Variants in CDH13 observed in about 807,000 individuals in gnomAD.
CDH13 encodes the protein cadherin 13.
Under a neutral mutation model 63.8 loss-of-function variants are expected in CDH13, and 24 were observed. The observed-to-expected ratio is 0.38, with a 90% CI of 0.27 to 0.53. The LOEUF (loss-of-function observed/expected upper bound fraction) is 0.53. Among genes scored for constraint, CDH13 ranks in the 20% least tolerant of loss-of-function variants. The pLI, the probability that CDH13 is intolerant of heterozygous loss-of-function variation, is 0.85. For synonymous variants in CDH13, 503 were observed against 355.3 expected (o/e 1.42, Z -4.67); for missense variants, 1,049 against 903.1 (o/e 1.16, Z -2.07).
intron 13 of CDH13, among the ~76,000 whole-genome samples, chr16:83,790,620 G>A (rs910513845): frequency 5.3e-5 from 8 of 151,984 alleles, no homozygotes; most frequent in African/African-American, 1.9e-4. Context: ...AGCCTGGATG[G>A]TCTCGATCTC....
chr16:83,538,568 G>A (rs1042919533), intron 7 of CDH13, among the ~76,000 whole-genome samples: 1 of 152,198 alleles, frequency 6.6e-6, no homozygotes. Flanking sequence ...TAAAATAATA[G>A]GATGTCCTTG....
intron 1 of CDH13, among the ~76,000 whole-genome samples, chr16:82,674,312 G>A (rs538764852): frequency 6.6e-6 from 1 of 152,316 alleles, no homozygotes; most frequent in South Asian, 2.1e-4. Flanking sequence ...CCTTTCTTCA[G>A]GTCAGACTAG....
intron 2 of CDH13, among the ~76,000 whole-genome samples, chr16:82,867,674 G>A (rs927249571): frequency 6.6e-6 from 1 of 152,272 alleles, no homozygotes. Context: ...TATAAATCAA[G>A]CAAGGAACTT....
At chr16:83,498,855 G>A (rs2074207444) in intron 7 of CDH13, among the ~76,000 whole-genome samples, 1 of 152,112 alleles carries the variant, frequency 6.6e-6, no homozygotes, top group Non-Finnish European at 1.5e-5. Flanking sequence ...TTATCATATG[G>A]GCCAGGTGGG....
chr16:83,615,251 G>A (rs1253016066), intron 8 of CDH13, among the ~76,000 whole-genome samples: 1 of 152,082 alleles, frequency 6.6e-6, no homozygotes, highest in African/African-American at 2.4e-5. Context: ...TTTAACATCA[G>A]ATGCACTTGT....
chr16:82,901,034 C>T (rs1382072336), intron 2 of CDH13, among the ~76,000 whole-genome samples: 5 of 151,726 alleles, frequency 3.3e-5, no homozygotes, highest in Non-Finnish European at 7.4e-5. Flanking sequence ...AGTTAATGCC[C>T]CTCATAAGGT....
At chr16:83,783,844 TG>T (rs1437823648) in intron 13 of CDH13, among the ~76,000 whole-genome samples, 7 of 152,214 alleles carry the variant, frequency 4.6e-5, no homozygotes, top group Admixed American at 2.0e-4. Flanking sequence ...AATAATCTTT[TG>T]CAAGGTTAAA....
At chr16:83,380,794 A>G (rs572117965) in intron 6 of CDH13, among the ~76,000 whole-genome samples, 95 of 151,908 alleles carry the variant, frequency 6.3e-4, no homozygotes, top group South Asian at 1.9e-3. Context: ...CAAGGGGGAT[A>G]GAGAATATCA....
chr16:83,461,605 C>T (rs914186018), intron 6 of CDH13, among the ~76,000 whole-genome samples: 3 of 152,214 alleles, frequency 2.0e-5, no homozygotes, highest in Non-Finnish European at 4.4e-5. Context: ...GTACAAGTGT[C>T]TGCCCAGAGA....
intron 6 of CDH13, among the ~76,000 whole-genome samples, chr16:83,432,152 T>G (rs938306273): frequency 2.6e-5 from 4 of 152,148 alleles, no homozygotes; most frequent in Admixed American, 1.3e-4. Flanking sequence ...ATATTGCCAG[T>G]TGCACAGCTG....
intron 1 of CDH13, among the ~76,000 whole-genome samples, chr16:82,707,835 G>T (rs942143542): frequency 6.6e-6 from 1 of 152,194 alleles, no homozygotes; most frequent in African/African-American, 2.4e-5. Flanking sequence ...TTTCAGAGAA[G>T]AGGAACACAG....
chr16:83,575,718 C>T (rs944906098), intron 7 of CDH13, among the ~76,000 whole-genome samples: 6 of 152,220 alleles, frequency 3.9e-5, no homozygotes, highest in African/African-American at 1.2e-4. Context: ...CTCTGAGAGA[C>T]GGTCAAGTCC....
chr16:83,082,507 C>T (rs1404226734), intron 3 of CDH13, among the ~76,000 whole-genome samples: 2 of 151,980 alleles, frequency 1.3e-5, no homozygotes, highest in Non-Finnish European at 2.9e-5. Context: ...GTGGTGGGTA[C>T]CTGTAATCCA....
intron 2 of CDH13, among the ~76,000 whole-genome samples, chr16:82,907,065 C>T (rs1801071530): frequency 6.6e-6 from 1 of 152,166 alleles, no homozygotes; most frequent in Non-Finnish European, 1.5e-5. Context: ...TAAAATTTTC[C>T]TACCAAGATC....
At chr16:82,899,629 G>C (rs1418044768) in intron 2 of CDH13, among the ~76,000 whole-genome samples, 2 of 152,092 alleles carry the variant, frequency 1.3e-5, no homozygotes, top group Non-Finnish European at 2.9e-5. Context: ...GCGTGTTTTG[G>C]AGTATGCATG....
chr16:83,455,668 A>G (rs1458283438), intron 6 of CDH13, among the ~76,000 whole-genome samples: 1 of 152,022 alleles, frequency 6.6e-6, no homozygotes, highest in Non-Finnish European at 1.5e-5. Context: ...GAGCTTTGCA[A>G]TTTATCCCTC....
At chr16:83,462,426 A>C (rs1245624323) in intron 6 of CDH13, among the ~76,000 whole-genome samples, 1 of 152,228 alleles carries the variant, frequency 6.6e-6, no homozygotes, top group East Asian at 1.9e-4. Flanking sequence ...GGTCAGGGAC[A>C]GCTTACTATT....
At chr16:83,066,510 C>G (rs1415277141) in intron 3 of CDH13, among the ~76,000 whole-genome samples, 2 of 151,674 alleles carry the variant, frequency 1.3e-5, no homozygotes, top group African/African-American at 2.4e-5. Flanking sequence ...TTAGGGCTGA[C>G]TGATGCTTAC....
At chr16:83,001,670 C>T (rs1367317376) in intron 2 of CDH13, among the ~76,000 whole-genome samples, 2 of 152,212 alleles carry the variant, frequency 1.3e-5, no homozygotes, top group African/African-American at 4.8e-5. Flanking sequence ...TTTTGCTTCT[C>T]TTGTCAGAAG....
Sources: allele counts gnomAD v4.1 joint callset (sites outside exome capture counted in the v4.1 genomes callset), GRCh38; gene constraint gnomAD v4.1.1; transcripts MANE v1.5; gene names NCBI Gene and HGNC (gene_info 2026-07-23, HGNC 2026-07-21).